Variants in AGMO observed in about 807,000 individuals in gnomAD.
AGMO encodes glyceryl-ether monooxygenase.
Under a neutral mutation model 60.2 loss-of-function variants are expected in AGMO, and 75 were observed. The observed-to-expected ratio is 1.25, with a 90% confidence interval of 1.03 to 1.51. AGMO has a LOEUF of 1.51. Among genes scored for constraint, AGMO ranks in the 40% most tolerant of loss-of-function variants. AGMO has a pLI of 0.00. For synonymous variants in AGMO, 261 were observed against 177.1 expected (o/e 1.47, Z -3.76); for missense variants, 763 against 525.5 (o/e 1.45, Z -4.42).
chr7:15,321,633 A>G (rs1781111599), intron 12 of AGMO, among the ~76,000 whole-genome samples: 3 of 152,178 alleles, frequency 2.0e-5, no homozygotes, highest in Non-Finnish European at 4.4e-5. Flanking sequence ...TGCAAGATTT[A>G]AACATTTATA....
At chr7:15,454,642 A>T (rs1241694202) in intron 3 of AGMO, among the ~76,000 whole-genome samples, 1 of 151,984 alleles carries the variant, frequency 6.6e-6, no homozygotes, top group Non-Finnish European at 1.5e-5. Flanking sequence ...TATAATAAAA[A>T]TTTTCTATTA....
chr7:15,334,602 T>C (rs1048039971), intron 12 of AGMO, among the ~76,000 whole-genome samples: 1 of 152,156 alleles, frequency 6.6e-6, no homozygotes, highest in South Asian at 2.1e-4. Context: ...CACTTTCCAC[T>C]ACAAGGCAGG....
chr7:15,399,003 T>A (rs1784481188), intron 5 of AGMO, among the ~76,000 whole-genome samples: 1 of 152,212 alleles, frequency 6.6e-6, no homozygotes, highest in Non-Finnish European at 1.5e-5. Flanking sequence ...TAGAAAATGA[T>A]AATTCCTTTT....
At chr7:15,308,126 T>C (rs1327363247) in intron 12 of AGMO, among the ~76,000 whole-genome samples, 1 of 152,098 alleles carries the variant, frequency 6.6e-6, no homozygotes, top group Non-Finnish European at 1.5e-5. Flanking sequence ...CAAATCTATT[T>C]ATGTCATTTC....
At chr7:15,399,795 TAA>T (rs997558530) in intron 5 of AGMO, among the ~76,000 whole-genome samples, 1 of 152,112 alleles carries the variant, frequency 6.6e-6, no homozygotes, top group African/African-American at 2.4e-5. Flanking sequence ...TGAAACCAAA[TAA>T]AAAGACTCCT....
Position 15,560,148 on chromosome 7 carries a change from G to A in AGMO, c.250C>T (p.Leu84Phe), listed in dbSNP as rs369719944. 6 of 1,609,078 alleles carry A rather than the reference G, an allele frequency of 3.7e-6. No homozygotes were observed. The highest frequency in any genetic ancestry group is 5.1e-6 in the Non-Finnish European group (6 of 1,176,762). The change falls in exon 2 of 13, where the codon CTT becomes TTT. Residue 84 changes from leucine to phenylalanine, a missense_variant. Leu to Phe is a conservative substitution (Grantham distance 22). Coordinates refer to ENST00000342526, the MANE Select transcript of AGMO (RefSeq NM_001004320.2). Reference sequence around the variant, plus strand: ...GTTGACCATCTAACTCACCTTGGAAGTCGAGACAGAACACCAGCTGAGATT... The same window carrying A: ...GTTGACCATCTAACTCACCTTGGAAATCGAGACAGAACACCAGCTGAGATT... ...TSISAGVLSRLPSLFFRSIEL... is the reference protein window; with the variant it reads ...TSISAGVLSRFPSLFFRSIEL...
chr7:15,381,990 G>T (rs112924079), intron 10 of AGMO, among the ~76,000 whole-genome samples: 5,706 of 152,050 alleles, frequency 0.038, 216 homozygotes, highest in African/African-American at 0.099. Context: ...ACATGGACAC[G>T]TAAGAGGAAC....
intron 3 of AGMO, among the ~76,000 whole-genome samples, chr7:15,507,222 T>C (rs1583625594): frequency 6.6e-6 from 1 of 152,192 alleles, no homozygotes; most frequent in African/African-American, 2.4e-5. Flanking sequence ...CAGTGGAATC[T>C]ACTAAAGAAC....
At chr7:15,204,768 C>T (rs1563033681) in intron 12 of AGMO, among the ~76,000 whole-genome samples, 1 of 152,124 alleles carries the variant, frequency 6.6e-6, no homozygotes, top group East Asian at 1.9e-4. Context: ...CATCAATTGG[C>T]AGGTGGCTAA....
rs1563105897 is a variant in AGMO at position 15,354,489 on chromosome 7, C to CGTGTGTATAT, written c.1263+11024_1263+11025insATATACACAC. On this transcript the variant is annotated intron_variant, in intron 12 of 12. Transcript: ENST00000342526. ...GTGTGTATACACACGTGTGTATATA[C>CGTGTGTATAT]ACACGTGTATATATATATATATATA... 1.6e-3 allele frequency among the ~76,000 whole-genome samples: 23 copies of CGTGTGTATAT among 14,446 alleles called. 2 individuals are homozygous for CGTGTGTATAT. Among genetic ancestry groups the CGTGTGTATAT allele is most frequent in the Non-Finnish European group, 2.3e-3 (19 of 8,402 alleles). The allele number at this position is 14,446 out of a possible 152,430, so 9.5% of individuals were successfully genotyped here.
chr7:15,119,459 C>T, the AGMO span, among the ~76,000 whole-genome samples: 1 of 152,092 alleles, frequency 6.6e-6, no homozygotes, highest in African/African-American at 2.4e-5. Context: ...CTATCCTCTA[C>T]TGTCTTGATG....
chr7:15,382,538 AAAATG>A, intron 10 of AGMO, among the ~76,000 whole-genome samples: 1 of 152,308 alleles, frequency 6.6e-6, no homozygotes, highest in Middle Eastern at 3.4e-3. Flanking sequence ...CTTCTTAAAT[AAAATG>A]AAATAAAATT....
intron 3 of AGMO, among the ~76,000 whole-genome samples, chr7:15,469,972 G>A (rs1782404933): frequency 6.6e-6 from 1 of 151,956 alleles, no homozygotes. Flanking sequence ...GATATTATTT[G>A]GGAATACTTA....
chr7:15,313,103 A>G (rs1780816587), intron 12 of AGMO, among the ~76,000 whole-genome samples: 1 of 152,238 alleles, frequency 6.6e-6, no homozygotes, highest in Non-Finnish European at 1.5e-5. Context: ...ACTGTGAAAC[A>G]TAACTAAGAT....
chr7:15,403,975 G>A (rs185049452), intron 5 of AGMO, among the ~76,000 whole-genome samples: 1 of 151,786 alleles, frequency 6.6e-6, no homozygotes, highest in Non-Finnish European at 1.5e-5. Context: ...ATTTATTCAC[G>A]GCCAAATGTT....
intron 12 of AGMO, among the ~76,000 whole-genome samples, chr7:15,219,967 C>T (rs186373316): frequency 1.3e-5 from 2 of 152,086 alleles, no homozygotes; most frequent in African/African-American, 4.8e-5. Flanking sequence ...GTACAGCTCC[C>T]TTCATACTCA....
In AGMO at chr7:15,544,654, C is replaced by A. The variant is rs192538110; in HGVS notation, c.409+118G>T. 1.9e-5 allele frequency: 17 copies of A among 876,176 alleles called. No individual in the cohort carries two copies. The South Asian group carries it at 6.6e-4, about 34-fold the overall frequency. The allele number at this position is 876,176 out of a possible 1,614,324, so 54.3% of individuals were successfully genotyped here. On this transcript the variant is annotated intron_variant, in intron 3 of 12. Coordinates refer to ENST00000342526, the MANE Select transcript of AGMO (RefSeq NM_001004320.2). ...AACCTTCATTATTAATTTTTATATC[C>A]GTAAAATATACTATTTTATTCCTGT...
chr7:15,466,589 G>C (rs935214208), intron 3 of AGMO, among the ~76,000 whole-genome samples: 16 of 152,086 alleles, frequency 1.1e-4, no homozygotes, highest in African/African-American at 2.9e-4. Flanking sequence ...TAAGAATGGA[G>C]GCTTTAGGGC....
the AGMO span, among the ~76,000 whole-genome samples, chr7:15,174,017 T>C: frequency 6.6e-6 from 1 of 152,034 alleles, no homozygotes; most frequent in Non-Finnish European, 1.5e-5. Context: ...TGTTTCTCTT[T>C]TATTTCTGTT....
Sources: gnomAD v4.1 joint callset for allele counts (sites outside exome capture counted in the v4.1 genomes callset) on GRCh38, gnomAD v4.1.1 for gene constraint, MANE v1.5 for transcripts, NCBI Gene and HGNC (gene_info 2026-07-23, HGNC 2026-07-21) for gene names.